Variants in THADA observed in about 807,000 individuals in gnomAD.
The protein encoded by THADA is tRNA (32-2'-O)-methyltransferase regulator THADA.
THADA carries 213 observed loss-of-function variants against 219.8 expected under a neutral mutation model. The observed-to-expected ratio is 0.97, with a 90% CI of 0.87 to 1.09. The LOEUF (loss-of-function observed/expected upper bound fraction) is 1.09. THADA is among the 50% of genes least tolerant of loss of function. The probability of loss-of-function intolerance (pLI) is 0.00; values close to 1 mark genes in which losing one functional copy is unlikely to be tolerated. For missense variants in THADA, 2,956 were observed against 2,311.3 expected, an observed-to-expected ratio of 1.28 and a Z score of -5.72; for synonymous variants, 1,018 against 828.9, an observed-to-expected ratio of 1.23 and a Z score of -3.92.
At chr2:43,495,984 G>C (rs1015035890) in intron 25 of THADA, among the ~76,000 whole-genome samples, 1 of 152,234 alleles carries the variant, frequency 6.6e-6, no homozygotes, top group African/African-American at 2.4e-5. Context: ...TTCTAGGCAA[G>C]AGTTGGCAAC....
At chr2:43,593,410 A>C (rs17031097) in intron 1 of THADA, among the ~76,000 whole-genome samples, 1 of 151,998 alleles carries the variant, frequency 6.6e-6, no homozygotes, top group South Asian at 2.1e-4. Context: ...AGGCCAGGTG[A>C]CATGTAGAGC....
In THADA at chr2:43,541,216, C is replaced by CT. The variant is rs779201195; in HGVS notation, c.3206dup (p.Leu1070AlafsTer12). On this transcript the variant is annotated frameshift_variant, in exon 21 of 38. Coordinates refer to ENST00000405975, the MANE Select transcript of THADA (RefSeq NM_022065.5). LOFTEE classifies it high-confidence loss of function. The stretch of plus-strand genomic sequence containing the variant: ...CTGGCACAGGCTGCATGGGCAGAAG[C>CT]TGGCACAACATGCCTAAAAGTAAAG... 1.9e-6 allele frequency: 3 copies of CT among 1,610,896 alleles called. No individual in the cohort carries two copies. Among genetic ancestry groups the CT allele is most frequent in the Non-Finnish European group, 2.5e-6 (3 of 1,178,762 alleles).
chr2:43,477,862 G>A (rs566621239), intron 26 of THADA, among the ~76,000 whole-genome samples: 1 of 152,240 alleles, frequency 6.6e-6, no homozygotes, highest in Admixed American at 6.5e-5. Flanking sequence ...TCTTAGACAT[G>A]TACAATGTGT....
chr2:43,253,882 G>C (rs1160077219), intron 36 of THADA, among the ~76,000 whole-genome samples: 1 of 151,948 alleles, frequency 6.6e-6, no homozygotes, highest in Admixed American at 6.6e-5. Context: ...AGGTTCTTTG[G>C]CCTAGCATTC....
chr2:43,407,033 C>T (rs1292977387), intron 28 of THADA, among the ~76,000 whole-genome samples: 1 of 152,218 alleles, frequency 6.6e-6, no homozygotes, highest in Non-Finnish European at 1.5e-5. Flanking sequence ...AACATAATAA[C>T]ACTTGGCCCC....
chr2:43,462,328 A>G (rs1388529873), intron 26 of THADA, among the ~76,000 whole-genome samples: 1 of 152,172 alleles, frequency 6.6e-6, no homozygotes, highest in East Asian at 1.9e-4. Context: ...TGTCCATGAA[A>G]GCCATTTGAA....
chr2:43,278,529 G>A (rs1346497306), intron 36 of THADA, among the ~76,000 whole-genome samples: 2 of 152,168 alleles, frequency 1.3e-5, no homozygotes, highest in Non-Finnish European at 2.9e-5. Context: ...TTTAGCTATT[G>A]GGCAAGTCTG....
chr2:43,269,609 C>T (rs1315419155), intron 36 of THADA, among the ~76,000 whole-genome samples: 2 of 152,232 alleles, frequency 1.3e-5, no homozygotes, highest in Non-Finnish European at 2.9e-5. Context: ...GCAACCGGAG[C>T]TCCACCGTGC....
chr2:43,327,250 G>C (rs1263637061), intron 30 of THADA, among the ~76,000 whole-genome samples: 1 of 152,062 alleles, frequency 6.6e-6, no homozygotes, highest in African/African-American at 2.4e-5. Context: ...TCTTATCTTA[G>C]CTCCTATTTA....
At chr2:43,265,239 C>G (rs537636205) in intron 36 of THADA, among the ~76,000 whole-genome samples, 2 of 152,322 alleles carry the variant, frequency 1.3e-5, no homozygotes, top group East Asian at 3.9e-4. Flanking sequence ...CAGCCCCAGA[C>G]CCAGTGCATC....
rs192535319 is a variant in THADA at position 43,581,876 on chromosome 2, C to T, written c.586G>A (p.Val196Ile). The change falls in exon 8 of 38, where the codon GTA becomes ATA. Residue 196 changes from valine (V) to isoleucine (I), a missense_variant. Transcript: ENST00000405975. ...IQTQLMNDLL[V>I]GIRVSMMLVQ... ...AACATCATTGAAACTCTAATGCCTA[C>T]CAGTAAGTCATTCATCAACTGTGTT... The T allele has an allele frequency of 1.9e-6, 3 of 1,601,830 alleles. No individual in the cohort carries two copies. Among genetic ancestry groups the T allele is most frequent in the East Asian group, 4.5e-5 (2 of 44,288 alleles).
intron 36 of THADA, among the ~76,000 whole-genome samples, chr2:43,256,780 C>T (rs958848108): frequency 6.6e-5 from 10 of 151,668 alleles, no homozygotes; most frequent in African/African-American, 1.5e-4. Flanking sequence ...AATCTCACTA[C>T]GTTGCCTAGG....
chr2:43,275,746 C>T (rs1026903957), intron 36 of THADA, among the ~76,000 whole-genome samples: 4 of 152,218 alleles, frequency 2.6e-5, no homozygotes, highest in African/African-American at 7.2e-5. Context: ...TTCTAAGATA[C>T]CTTTCTTATC....
At chr2:43,456,558 T>C (rs1683020680) in intron 26 of THADA, among the ~76,000 whole-genome samples, 1 of 152,104 alleles carries the variant, frequency 6.6e-6, no homozygotes, top group African/African-American at 2.4e-5. Flanking sequence ...TTCTTTTCTT[T>C]TCTTTTTTTT....
intron 21 of THADA, among the ~76,000 whole-genome samples, chr2:43,535,188 T>TTTTTTTC (rs1694403316): frequency 6.8e-6 from 1 of 147,596 alleles, no homozygotes; most frequent in Non-Finnish European, 1.5e-5. Context: ...TTTTTTTTTT[T>TTTTTTTC]TTTTTGCTGT....
At chr2:43,393,223 A>G (rs1022028466) in intron 29 of THADA, among the ~76,000 whole-genome samples, 1 of 152,212 alleles carries the variant, frequency 6.6e-6, no homozygotes. Context: ...TTCTGTCTCA[A>G]TAACACAAAT....
chr2:43,373,199 C>T (rs1031515433), intron 29 of THADA, among the ~76,000 whole-genome samples: 3 of 152,024 alleles, frequency 2.0e-5, no homozygotes, highest in African/African-American at 7.3e-5. Flanking sequence ...GGGGAGTGTA[C>T]AAAATAATGA....
chr2:43,390,227 C>T (rs1673194238), intron 29 of THADA, among the ~76,000 whole-genome samples: 1 of 152,158 alleles, frequency 6.6e-6, no homozygotes, highest in Non-Finnish European at 1.5e-5. Context: ...GTTTCAGAGT[C>T]CCCAGCAGTC....
chr2:43,538,425 A>T (rs1045351719), intron 21 of THADA: 2 of 152,214 alleles, frequency 1.3e-5, no homozygotes, highest in Non-Finnish European at 2.9e-5. Flanking sequence ...AAAGTCAGAC[A>T]TGCCTCTGAA....
Sources: allele counts gnomAD v4.1 joint callset (sites outside exome capture counted in the v4.1 genomes callset), GRCh38; gene constraint gnomAD v4.1.1; transcripts MANE v1.5; gene names NCBI Gene and HGNC (gene_info 2026-07-23, HGNC 2026-07-21).